Variants in EYS observed in about 807,000 individuals in gnomAD.
EYS encodes the protein protein eyes shut homolog.
EYS carries 250 observed loss-of-function variants against 282.1 expected under a neutral mutation model. The ratio of observed to expected loss-of-function variants is 0.89; its 90% CI spans 0.80 to 0.98. The LOEUF (loss-of-function observed/expected upper bound fraction) is 0.98. Among genes scored for constraint, EYS ranks in the 50% least tolerant of loss-of-function variants. EYS has a pLI of 0.00. For synonymous variants in EYS, 1,355 were observed against 1,282.9 expected (o/e 1.06, Z -1.20); for missense variants, 4,016 against 3,709.0 (o/e 1.08, Z -2.15).
At chr6:64,040,892 T>C (rs947499681) in intron 33 of EYS, among the ~76,000 whole-genome samples, 1 of 152,208 alleles carries the variant, frequency 6.6e-6, no homozygotes, top group Non-Finnish European at 1.5e-5. Context: ...TTAAGGGCAC[T>C]GGTATAAGGG....
At chr6:64,363,515 ATTAGT>A (rs1772087226) in intron 29 of EYS, among the ~76,000 whole-genome samples, 1 of 151,860 alleles carries the variant, frequency 6.6e-6, no homozygotes, top group Non-Finnish European at 1.5e-5. Flanking sequence ...TATTTCTGAC[ATTAGT>A]TTAATTTCTT....
intron 30 of EYS, among the ~76,000 whole-genome samples, chr6:64,247,008 A>G (rs1185839144): frequency 1.3e-5 from 2 of 152,160 alleles, no homozygotes; most frequent in East Asian, 1.9e-4. Flanking sequence ...TATGGTTAGT[A>G]AGAAATATAT....
intron 24 of EYS, among the ~76,000 whole-genome samples, chr6:64,601,106 C>T (rs1220534966): frequency 6.6e-6 from 1 of 152,028 alleles, no homozygotes; most frequent in African/African-American, 2.4e-5. Flanking sequence ...TATCAATCTC[C>T]TCTGCTGGCT....
chr6:64,455,131 T>G (rs1775511058), intron 26 of EYS, among the ~76,000 whole-genome samples: 1 of 152,106 alleles, frequency 6.6e-6, no homozygotes, highest in African/African-American at 2.4e-5. Context: ...AGGCTGATGT[T>G]GAACTCTTGG....
At chr6:64,526,985 A>G (rs1719324578) in intron 26 of EYS, among the ~76,000 whole-genome samples, 1 of 151,798 alleles carries the variant, frequency 6.6e-6, no homozygotes, top group Admixed American at 6.6e-5. Context: ...GAGCACAGAG[A>G]GCAGATTCCA....
At position 64,996,168 on chromosome 6, in the gene EYS, G is replaced by A. The variant is rs763917205; in HGVS notation, c.2259+1414C>T. Among the ~76,000 whole-genome samples the A allele has an allele frequency of 2.6e-5, 4 of 152,132 alleles. No individual in the cohort carries two copies. In the South Asian group the frequency reaches 8.3e-4, roughly 32 times the overall value. ...TCAAATATATTAGGTCCAGAGGTTG[G>A]GCAGGCAACCTGAGAGGTTCAGTCA... is the stretch of plus-strand genomic sequence containing the variant. On this transcript the variant is annotated intron_variant, in intron 14 of 42. Transcript: ENST00000503581.
At chr6:64,863,683 A>C (rs1766321670) in intron 19 of EYS, among the ~76,000 whole-genome samples, 1 of 152,068 alleles carries the variant, frequency 6.6e-6, no homozygotes, top group Non-Finnish European at 1.5e-5. Flanking sequence ...ATCATCTTTC[A>C]ACTCTGGCTG....
chr6:64,729,445 G>T (rs768240609), intron 22 of EYS, among the ~76,000 whole-genome samples: 1 of 152,208 alleles, frequency 6.6e-6, no homozygotes, highest in African/African-American at 2.4e-5. Flanking sequence ...GTGCTTGTGT[G>T]ATTTGACTTG....
At chr6:65,663,355 G>A (rs1768072490) in intron 1 of EYS, among the ~76,000 whole-genome samples, 1 of 152,062 alleles carries the variant, frequency 6.6e-6, no homozygotes, top group Admixed American at 6.6e-5. Context: ...AATTGGTATA[G>A]GACCACAGGA....
intron 29 of EYS, among the ~76,000 whole-genome samples, chr6:64,322,595 T>C (rs1770256908): frequency 6.6e-6 from 1 of 151,998 alleles, no homozygotes; most frequent in African/African-American, 2.4e-5. Flanking sequence ...GCAGATGAAA[T>C]TTGCAGAAGC....
chr6:64,233,624 T>C (rs1356648485), intron 30 of EYS, among the ~76,000 whole-genome samples: 1 of 152,214 alleles, frequency 6.6e-6, no homozygotes, highest in Non-Finnish European at 1.5e-5. Flanking sequence ...AAATAGTAAG[T>C]GTGAAAATCT....
At chr6:64,366,619 G>A (rs924352913) in intron 29 of EYS, among the ~76,000 whole-genome samples, 1 of 151,964 alleles carries the variant, frequency 6.6e-6, no homozygotes, top group African/African-American at 2.4e-5. Flanking sequence ...CCAGGTATTG[G>A]GTAGAGATTT....
At chr6:64,027,456 A>G (rs528064506) in intron 33 of EYS, among the ~76,000 whole-genome samples, 36 of 152,304 alleles carry the variant, frequency 2.4e-4, no homozygotes, top group African/African-American at 7.9e-4. Flanking sequence ...TGGGCCCTGA[A>G]CAAAATCTAG....
intron 12 of EYS, among the ~76,000 whole-genome samples, chr6:65,220,503 T>C (rs951904406): frequency 2.0e-5 from 3 of 152,178 alleles, no homozygotes; most frequent in Admixed American, 6.5e-5. Flanking sequence ...GTCCCTTTGC[T>C]CTTCCTTCGT....
chr6:65,441,023 T>C (rs1768303127), intron 5 of EYS, among the ~76,000 whole-genome samples: 1 of 149,010 alleles, frequency 6.7e-6, no homozygotes, highest in South Asian at 2.1e-4. Context: ...TGGCACATCA[T>C]AGGAACTAAA....
intron 36 of EYS, among the ~76,000 whole-genome samples, chr6:63,811,279 C>T (rs1358953257): frequency 1.3e-5 from 2 of 152,170 alleles, no homozygotes; most frequent in Non-Finnish European, 2.9e-5. Context: ...GATTTTATTC[C>T]AGTCAGGCTA....
intron 28 of EYS, among the ~76,000 whole-genome samples, chr6:64,416,082 T>G (rs1052964582): frequency 1.3e-5 from 2 of 152,116 alleles, no homozygotes; most frequent in Non-Finnish European, 2.9e-5. Context: ...GAAAACTGAA[T>G]TGGAGGCAGA....
At chr6:64,161,127 C>T (rs1405261199) in intron 31 of EYS, among the ~76,000 whole-genome samples, 1 of 152,162 alleles carries the variant, frequency 6.6e-6, no homozygotes, top group African/African-American at 2.4e-5. Flanking sequence ...ATATTTTCCC[C>T]ATCCCTTATA....
intron 2 of EYS, among the ~76,000 whole-genome samples, chr6:65,601,137 C>T (rs1765605332): frequency 6.6e-6 from 1 of 151,716 alleles, no homozygotes; most frequent in Admixed American, 6.6e-5. Flanking sequence ...TACATAGGGG[C>T]ATTTATATTG....
Sources: allele counts gnomAD v4.1 joint callset (sites outside exome capture counted in the v4.1 genomes callset), GRCh38; gene constraint gnomAD v4.1.1; transcripts MANE v1.5; gene names NCBI Gene and HGNC (gene_info 2026-07-23, HGNC 2026-07-21).